COL6A6: variants seen among roughly 807,000 people sequenced by gnomAD.
The protein encoded by COL6A6 is collagen alpha-6(VI) chain.
In COL6A6, 183 loss-of-function variants were observed where a neutral mutation model predicts 208.6. The ratio of observed to expected loss-of-function variants is 0.88; its 90% CI spans 0.78 to 0.99. COL6A6 has a LOEUF of 0.99. Ranked by LOEUF, COL6A6 falls within the 50% of genes least tolerant of loss-of-function variation. The pLI, the probability that COL6A6 is intolerant of heterozygous loss-of-function variation, is 0.00. For missense variants in COL6A6, 2,816 were observed against 2,815.2 expected (o/e 1.00, Z -0.01); for synonymous variants, 973 against 1,011.8 (o/e 0.96, Z 0.73).
intron 11 of COL6A6, 134 bp from the exon 12 acceptor site, chr3:130,588,956 C>G: frequency 1.5e-5 from 4 of 272,858 alleles, no homozygotes; most frequent in Non-Finnish European, 2.1e-5. Flanking sequence ...TGCATTCTTT[C>G]TAAAGCACAG....
At chr3:130,665,226 T>A (rs1433627900) in intron 36 of COL6A6, 130 bp downstream of exon 36, 1 of 584,418 alleles carries the variant, frequency 1.7e-6, no homozygotes, top group African/African-American at 1.9e-5. Flanking sequence ...CTACATGATA[T>A]TAAAATATAA....
rs1293474518 is a variant in COL6A6 at position 130,608,960 on chromosome 3, C to T, written c.4748C>T (p.Pro1583Leu). 1 of 1,611,652 alleles carries T rather than the reference C, an allele frequency of 6.2e-7. No homozygotes were observed. The highest frequency in any genetic ancestry group is 8.5e-7 in the Non-Finnish European group (1 of 1,178,272). ...GAAGGCTCCCTGGGACTTAAGGGCCCTCAGGTACATATCAAGACCAATCAG... is the reference window on the plus strand; with the variant it reads ...GAAGGCTCCCTGGGACTTAAGGGCCTTCAGGTACATATCAAGACCAATCAG... ...GLEGSLGLKG[P>L]QGPRGEAGVK... The change falls in exon 22 of 37, where the codon CCT (proline) becomes CTT (leucine). Residue 1583 changes from proline to leucine, a missense_variant. Coordinates refer to ENST00000358511, the MANE Select transcript of COL6A6 (RefSeq NM_001102608.3).
intron 10 of COL6A6, 26 bp downstream of exon 10, chr3:130,582,094 G>T: frequency 7.2e-7 from 1 of 1,393,852 alleles, no homozygotes. Context: ...AAGTGGGAAG[G>T]GAGTGCTTAT....
chr3:130,669,555 C>T (rs2066159985), intron 36 of COL6A6, among the ~76,000 whole-genome samples: 1 of 151,808 alleles, frequency 6.6e-6, no homozygotes, highest in African/African-American at 2.4e-5. Flanking sequence ...TAGGATGCAC[C>T]AGAAGTCATG....
intron 32 of COL6A6, among the ~76,000 whole-genome samples, chr3:130,648,779 A>G (rs2065534461): frequency 6.6e-6 from 1 of 152,176 alleles, no homozygotes; most frequent in Non-Finnish European, 1.5e-5. Flanking sequence ...TATTTCCAGG[A>G]GCTCTCTATT....
chr3:130,568,639 G>A (rs780771613), intron 6 of COL6A6, 35 bp downstream of exon 6: 157 of 1,493,804 alleles, frequency 1.1e-4, no homozygotes, highest in African/African-American at 2.2e-4. Flanking sequence ...AGGACTATCC[G>A]AACAACAGAT....
At chr3:130,572,473 T>A (rs1259434140) in intron 7 of COL6A6, among the ~76,000 whole-genome samples, 3 of 152,262 alleles carry the variant, frequency 2.0e-5, no homozygotes, top group African/African-American at 7.2e-5. Context: ...TAGTTCTTTT[T>A]AAAACTCATC....
intron 36 of COL6A6, 91 bp from the exon 37 acceptor site, chr3:130,675,111 G>C (rs1183073045): frequency 2.3e-6 from 2 of 853,400 alleles, no homozygotes; most frequent in Non-Finnish European, 3.3e-6. Context: ...GGAAATGGGT[G>C]AAACAATTAA....
intron 1 of COL6A6, among the ~76,000 whole-genome samples, chr3:130,518,021 A>G (rs1460369024): frequency 6.6e-6 from 1 of 152,218 alleles, no homozygotes; most frequent in African/African-American, 2.4e-5. Flanking sequence ...CCATGCAAGT[A>G]ATTTTGAAGA....
At position 130,566,948 on chromosome 3, in the gene COL6A6, G is replaced by A. The variant is rs1560000046; in HGVS notation, c.1529G>A (p.Gly510Asp). The A allele has an allele frequency of 6.2e-7, 1 of 1,613,998 alleles. No homozygotes were observed. The highest frequency in any genetic ancestry group is 8.5e-7 in the Non-Finnish European group (1 of 1,179,862). Reference sequence around the variant, plus strand: ...GCCATTGAGAATATCAGGCAGATGGGTGGGAATACAAACACAGGCGCAGCA... The same window carrying A: ...GCCATTGAGAATATCAGGCAGATGGATGGGAATACAAACACAGGCGCAGCA... ...GKAIENIRQM[G>D]GNTNTGAALN... Residue 510 changes from glycine to aspartate, a missense_variant, in exon 5 of 37, where the codon GGT becomes GAT. Gly to Asp is a moderately conservative substitution (Grantham distance 94, BLOSUM62 -1). Transcript: ENST00000358511.
intron 1 of COL6A6, among the ~76,000 whole-genome samples, chr3:130,537,338 G>C (rs964056955): frequency 6.6e-6 from 1 of 152,166 alleles, no homozygotes; most frequent in African/African-American, 2.4e-5. Context: ...AATTAAGTGT[G>C]GCTCTTAGAA....
At chr3:130,538,555 C>T (rs1309497264) in intron 1 of COL6A6, among the ~76,000 whole-genome samples, 1 of 152,180 alleles carries the variant, frequency 6.6e-6, no homozygotes, top group African/African-American at 2.4e-5. Context: ...CAAAACAATT[C>T]CTTGAAGTGG....
chr3:130,548,186 T>G (rs2062563429), intron 1 of COL6A6, among the ~76,000 whole-genome samples: 1 of 152,250 alleles, frequency 6.6e-6, no homozygotes, highest in Non-Finnish European at 1.5e-5. Flanking sequence ...CTCAAACTTT[T>G]TTTTAACGTT....
At chr3:130,527,910 TTTTTTG>T (rs1270098660) in intron 1 of COL6A6, among the ~76,000 whole-genome samples, 4 of 142,004 alleles carry the variant, frequency 2.8e-5, no homozygotes, top group East Asian at 2.5e-4. Flanking sequence ...TTTTTTTTTT[TTTTTTG>T]GTTGTTGTTG....
intron 1 of COL6A6, among the ~76,000 whole-genome samples, chr3:130,556,254 A>AG (rs1435458182): frequency 6.6e-6 from 1 of 152,216 alleles, no homozygotes; most frequent in African/African-American, 2.4e-5. Flanking sequence ...TGTCTTGTTT[A>AG]GGATTTTTTA....
At chr3:130,645,726 G>A (rs913850440) in intron 32 of COL6A6, among the ~76,000 whole-genome samples, 1 of 152,174 alleles carries the variant, frequency 6.6e-6, no homozygotes, top group Admixed American at 6.5e-5. Flanking sequence ...CTCAGATAAT[G>A]CCAGAATCCA....
At chr3:130,590,280 T>C (rs1442405628) in intron 12 of COL6A6, among the ~76,000 whole-genome samples, 4 of 22,402 alleles carry the variant, frequency 1.8e-4, no homozygotes, top group South Asian at 2.9e-3. Context: ...TATATATATA[T>C]ATATATATAT....
chr3:130,545,452 ATTTTTTT>A (rs58217937), intron 1 of COL6A6, among the ~76,000 whole-genome samples: 1 of 134,540 alleles, frequency 7.4e-6, no homozygotes. Context: ...GCTTTCAGGC[ATTTTTTT>A]TTTTTTTTTT....
In COL6A6 at chr3:130,608,666, A is replaced by G. The variant is rs80020173; in HGVS notation, c.4690-236A>G. Among the ~76,000 whole-genome samples, 703 of 151,940 alleles carry G rather than the reference A, an allele frequency of 4.6e-3. 3 individuals carry two copies. The highest frequency in any genetic ancestry group is 0.03 in the East Asian group (154 of 5,188). ...TGCATGTGTGCATGCATGCATATAT[A>G]TAAAGATGGAAAGGAAATACACCAG... On this transcript the variant is annotated intron_variant, in intron 21 of 36. Coordinates refer to ENST00000358511, the MANE Select transcript of COL6A6 (RefSeq NM_001102608.3).
Sources: allele counts gnomAD v4.1 joint callset (sites outside exome capture counted in the v4.1 genomes callset), GRCh38; gene constraint gnomAD v4.1.1; transcripts MANE v1.5; gene names NCBI Gene and HGNC (gene_info 2026-07-23, HGNC 2026-07-21).